The following SEC24D variants were observed in gnomAD, a reference collection of about 807,000 sequenced individuals.
SEC24D encodes the protein SEC24 homolog D, COPII component, also known as protein transport protein Sec24D.
In SEC24D, 69 loss-of-function variants were observed where a neutral mutation model predicts 116.9. The ratio of observed to expected loss-of-function variants is 0.59; its 90% CI spans 0.49 to 0.72. SEC24D has a LOEUF of 0.72. Among genes scored for constraint, SEC24D ranks in the 30% least tolerant of loss-of-function variants. The pLI is 0.00. For synonymous variants in SEC24D, 405 were observed against 442.8 expected, an observed-to-expected ratio of 0.91 and a Z score of 1.07; for missense variants, 1,131 against 1,264.1, an observed-to-expected ratio of 0.89 and a Z score of 1.60.
chr4:118,750,379 G>A (rs563331585), intron 13 of SEC24D, among the ~76,000 whole-genome samples: 1 of 152,206 alleles, frequency 6.6e-6, no homozygotes, highest in African/African-American at 2.4e-5. Flanking sequence ...AACCATTGTT[G>A]TAAGATAGCA....
At chr4:118,792,669 T>C (rs185446462) in intron 8 of SEC24D, among the ~76,000 whole-genome samples, 1,568 of 152,314 alleles carry the variant, frequency 0.01, 25 homozygotes, top group African/African-American at 0.036. Context: ...AGATGTGCTT[T>C]GTTAAACAGA....
At chr4:118,758,323 T>C (rs1447216844) in intron 10 of SEC24D, 1 of 152,304 alleles carries the variant, frequency 6.6e-6, no homozygotes, top group Non-Finnish European at 1.5e-5. Flanking sequence ...TCTTCTTCTA[T>C]CAACTCTTTC....
chr4:118,786,840 C>A (rs1210112609), intron 8 of SEC24D, among the ~76,000 whole-genome samples: 7 of 152,048 alleles, frequency 4.6e-5, no homozygotes, highest in Non-Finnish European at 8.8e-5. Flanking sequence ...GTCATCAAAC[C>A]CACACTTTCT....
intron 15 of SEC24D, among the ~76,000 whole-genome samples, chr4:118,742,220 C>T (rs1197260118): frequency 6.6e-6 from 1 of 151,872 alleles, no homozygotes; most frequent in African/African-American, 2.4e-5. Flanking sequence ...ACAGAGCACC[C>T]CCTGCCTACA....
At chr4:118,728,394 T>C (rs1307521403) in intron 22 of SEC24D, among the ~76,000 whole-genome samples, 167 bp downstream of exon 22, 2 of 152,176 alleles carry the variant, frequency 1.3e-5, no homozygotes, top group African/African-American at 4.8e-5. Flanking sequence ...AGTAGGTAGA[T>C]ATACTTAGAG....
In SEC24D at chr4:118,732,750, G is replaced by C. The variant is rs1442140608; in HGVS notation, c.2659C>G (p.Pro887Ala). 6.2e-7 allele frequency: 1 copy of C among 1,613,898 alleles called. No homozygotes were observed. Among genetic ancestry groups the C allele is most frequent in the Non-Finnish European group, 8.5e-7 (1 of 1,179,944 alleles). Residue 887 changes from proline to alanine, a missense_variant, in exon 20 of 23, where the codon CCA becomes GCA. Physicochemically the swap from Pro to Ala is conservative, Grantham distance 27 (BLOSUM62 -1). Transcript: ENST00000280551. ...ATGCTTACTATGGGCAGAAGTTGTG[G>C]GTAGAAGAAAAGCTGAGAGTCAGCC... Reference protein sequence around the residue: ...GVADSQLFFYPQLLPIHTLDV... With the variant: ...GVADSQLFFYAQLLPIHTLDV...
At chr4:118,827,491 T>C (rs1329222027) in intron 2 of SEC24D, among the ~76,000 whole-genome samples, 1 of 152,174 alleles carries the variant, frequency 6.6e-6, no homozygotes, top group Non-Finnish European at 1.5e-5. Context: ...CAGCGGCAGA[T>C]ACCATGGACC....
At chr4:118,818,281 A>G (rs924224694) in intron 3 of SEC24D, among the ~76,000 whole-genome samples, 1 of 152,174 alleles carries the variant, frequency 6.6e-6, no homozygotes, top group African/African-American at 2.4e-5. Flanking sequence ...CAATTTCTCT[A>G]TCTGAAAACT....
chr4:118,812,897 C>T (rs1729979042), intron 6 of SEC24D, among the ~76,000 whole-genome samples: 1 of 152,136 alleles, frequency 6.6e-6, no homozygotes, highest in Non-Finnish European at 1.5e-5. Context: ...CAGCTGTAAA[C>T]ATTCACCCCT....
At chr4:118,820,766 A>G (rs77819431) in intron 3 of SEC24D, among the ~76,000 whole-genome samples, 1 of 152,182 alleles carries the variant, frequency 6.6e-6, no homozygotes, top group African/African-American at 2.4e-5. Flanking sequence ...TCTGGACTGA[A>G]AAACATTCAA....
intron 10 of SEC24D, among the ~76,000 whole-genome samples, chr4:118,758,962 C>T (rs1727239996): frequency 6.6e-6 from 1 of 152,196 alleles, no homozygotes; most frequent in African/African-American, 2.4e-5. Flanking sequence ...CTTTAATTCA[C>T]AGCATAGACT....
chr4:118,750,001 T>C (rs1726742034), intron 13 of SEC24D, among the ~76,000 whole-genome samples: 1 of 152,256 alleles, frequency 6.6e-6, no homozygotes, highest in Admixed American at 6.5e-5. Flanking sequence ...CCTGAGTTGT[T>C]ATATATTTAG....
intron 1 of SEC24D, 116 bp downstream of exon 1, chr4:118,835,823 CTG>C (rs1440074746): frequency 6.5e-6 from 1 of 152,958 alleles, no homozygotes; most frequent in Non-Finnish European, 1.5e-5. Context: ...CCCGCCGCCA[CTG>C]CCTCAGGTGA....
chr4:118,740,636 G>A (rs1021336444), intron 17 of SEC24D, 27 bp downstream of exon 17: 54 of 1,608,862 alleles, frequency 3.4e-5, no homozygotes, highest in East Asian at 8.9e-5. Context: ...CTAAAATAAC[G>A]AAAGGTGGGA....
At position 118,744,114 on chromosome 4, in the gene SEC24D, C is replaced by T. The variant is rs553152981; in HGVS notation, c.1869G>A (p.Lys623=). Residue 623 remains lysine, a synonymous_variant, in exon 15 of 23, where the codon AAG becomes AAA. Coordinates refer to ENST00000280551, the MANE Select transcript of SEC24D (RefSeq NM_014822.4). ...CAGAGCAGCCGTGAGCCACGCAGTC[C>T]TTGGCCAATGAGTCATAGACATTTG... ...PQTNVYDSLA[K]DCVAHGCSVT... is the part of the protein sequence containing the mutation. 67 of 1,612,466 alleles carry T rather than the reference C, an allele frequency of 4.2e-5. No individual in the cohort carries two copies. The highest frequency in any genetic ancestry group is 8.3e-5 in the Admixed American group (5 of 59,886).
intron 2 of SEC24D, among the ~76,000 whole-genome samples, chr4:118,831,662 G>C (rs1298166076): frequency 1.3e-5 from 2 of 150,900 alleles, no homozygotes; most frequent in East Asian, 3.9e-4. Context: ...TTTTATGTGT[G>C]GCCCATGACA....
chr4:118,752,617 G>A, intron 12 of SEC24D, 80 bp downstream of exon 12: 2 of 945,014 alleles, frequency 2.1e-6, no homozygotes, highest in Non-Finnish European at 3.2e-6. Context: ...ATAAAACAAT[G>A]TATGATTGAA....
intron 11 of SEC24D, among the ~76,000 whole-genome samples, chr4:118,753,652 T>C (rs1382250565): frequency 6.6e-6 from 1 of 152,062 alleles, no homozygotes; most frequent in Non-Finnish European, 1.5e-5. Context: ...GTCTATAGTC[T>C]ATAGTGAGTA....
chr4:118,723,816 G>C (rs1725271139), intron 22 of SEC24D, among the ~76,000 whole-genome samples, 161 bp from the exon 23 acceptor site: 1 of 152,178 alleles, frequency 6.6e-6, no homozygotes, highest in Admixed American at 6.5e-5. Flanking sequence ...AGAGTGGAAA[G>C]AGGCATGGAC....
Sources: allele counts gnomAD v4.1 joint callset (sites outside exome capture counted in the v4.1 genomes callset), GRCh38; gene constraint gnomAD v4.1.1; transcripts MANE v1.5; gene names NCBI Gene and HGNC (gene_info 2026-07-23, HGNC 2026-07-21).